ARR3: variants seen among roughly 807,000 people sequenced by gnomAD.
The protein encoded by ARR3 is arrestin-C.
Under a neutral mutation model 35.4 loss-of-function variants are expected in ARR3, and 14 were observed. That is an observed-to-expected ratio of 0.40 (90% CI 0.26 to 0.62). The LOEUF is 0.62. Among genes scored for constraint, ARR3 ranks in the 20% least tolerant of loss-of-function variants. ARR3 has a pLI of 0.46. For missense variants in ARR3, 259 were observed against 303.8 expected (o/e 0.85, Z 1.10); for synonymous variants, 97 against 119.1 (o/e 0.81, Z 1.21).
At chrX:70,269,605 C>T in intron 2 of ARR3, 57 bp from the exon 3 acceptor site, 1 of 1,163,142 alleles carries the variant, frequency 8.6e-7, no homozygotes, top group Non-Finnish European at 1.2e-6. Flanking sequence ...CCCTTATTTC[C>T]TCTTCCCTGC....
rs769714329 is a variant in ARR3, at chrX:70,276,443, A to T, written c.356A>T (p.Asn119Ile). 2 of 1,211,694 alleles carry T rather than the reference A, an allele frequency of 1.7e-6. No homozygotes were observed. Among genetic ancestry groups the T allele is most frequent in the Admixed American group, 4.3e-5 (2 of 46,090 alleles). ...AYPFTLQMVT[N>I]LPCSVTLQPG... is the part of the protein sequence containing the mutation. ...CTTTTTGTCCCCTAGATGGTGACCA[A>T]CCTGCCCTGTTCTGTGACACTGCAG... The change falls in exon 7 of 17, where the codon AAC becomes ATC. Residue 119 changes from asparagine (N) to isoleucine (I), a missense_variant. Transcript: ENST00000307959.
Position 70,278,063 on chromosome X carries a change from C to T in ARR3, c.695-3C>T, listed in dbSNP as rs750677656. 11 of 1,207,147 alleles carry T rather than the reference C, an allele frequency of 9.1e-6. No homozygotes were observed. The highest frequency in any genetic ancestry group is 2.3e-4 in the Middle Eastern group (1 of 4,370). ...AATCATGTGCTTTTCCTGGCTTGTT[C>T]AGTTGACCAGATCACAGATGTTGTC... On this transcript the variant is annotated splice_region_variant and splice_polypyrimidine_tract_variant and intron_variant, in intron 10 of 16. Transcript: ENST00000307959.
intron 15 of ARR3, 32 bp from the exon 16 acceptor site, chrX:70,281,067 A>G: frequency 3.3e-6 from 4 of 1,205,811 alleles, no homozygotes; most frequent in Non-Finnish European, 4.5e-6. Flanking sequence ...CTTCAGCTCC[A>G]TTTTTTCCCT....
At chrX:70,278,314 T>C (rs1057229532) in intron 11 of ARR3, among the ~76,000 whole-genome samples, 176 bp downstream of exon 11, 4 of 111,063 alleles carry the variant, frequency 3.6e-5, no homozygotes, top group African/African-American at 1.3e-4. Context: ...CCCATCACGA[T>C]GCTGAGCGAG....
chrX:70,281,077 TC>T, intron 15 of ARR3, 21 bp from the exon 16 acceptor site: 1 of 1,207,467 alleles, frequency 8.3e-7, no homozygotes, highest in African/African-American at 1.8e-5. Flanking sequence ...ATTTTTTCCC[TC>T]CGTCTCCATG....
At chrX:70,280,526 C>G in intron 13 of ARR3, 33 bp from the exon 14 acceptor site, 1 of 1,180,400 alleles carries the variant, frequency 8.5e-7, no homozygotes, top group Non-Finnish European at 1.1e-6. Flanking sequence ...CTCTATTTCC[C>G]GCTGCTAATT....
Position 70,280,818 on chromosome X carries a change from G to A in ARR3, c.1066G>A (p.Glu356Lys), listed in dbSNP as rs1393341922. ...LVLIHPKPSH[E>K]AASSEDIVIE... is the part of the protein sequence containing the mutation. ...CCTGATCCATCCGAAGCCATCTCAT[G>A]GTGAGTGACCAGGTGGAACTCACAG... Residue 356 changes from glutamate (E) to lysine (K), a missense_variant and splice_region_variant, in exon 15 of 17, where the codon GAG becomes AAG. Physicochemically the swap from Glu to Lys is moderately conservative, Grantham distance 56 (BLOSUM62 1). Coordinates refer to ENST00000307959, the MANE Select transcript of ARR3 (RefSeq NM_004312.3). 8.3e-7 allele frequency: 1 copy of A among 1,211,386 alleles called. No homozygotes were observed. The highest frequency in any genetic ancestry group is 1.1e-6 in the Non-Finnish European group (1 of 895,358).
rs755813894 is a variant in ARR3 at position 70,278,551 on chromosome X, C to T, written c.815C>T (p.Thr272Ile). The change falls in exon 12 of 17, where the codon ACC (threonine) becomes ATC (isoleucine). Residue 272 changes from threonine to isoleucine, a missense_variant. By Grantham distance (89) the Thr-to-Ile change is moderately conservative (BLOSUM62 -1). Transcript: ENST00000307959. ...NSSFSQSFAVTPILAASCQKR... is the reference protein window; with the variant it reads ...NSSFSQSFAVIPILAASCQKR... ...AGCTTCTCCCAGAGCTTTGCAGTAA[C>T]CCCAATCCTGGCTGCCAGCTGCCAG... The T allele has an allele frequency of 2.5e-6, 3 of 1,211,762 alleles. No individual in the cohort carries two copies. In the South Asian group the frequency reaches 5.3e-5, roughly 21 times the overall value.
Position 70,277,722 on chromosome X carries a change from T to C in ARR3, c.616T>C (p.Tyr206His), listed in dbSNP as rs763033609. The stretch of plus-strand genomic sequence containing the variant: ...GTCCCCGCTCCTGCTTTAGGTTCAC[T>C]ACCACGGAGAACCCATCTCTGTCAA... ...LQAWMDREVH[Y>H]HGEPISVNVS... The change falls in exon 10 of 17, where the codon TAC becomes CAC. Residue 206 changes from tyrosine to histidine, a missense_variant. Transcript: ENST00000307959. 1.7e-6 allele frequency: 2 copies of C among 1,209,477 alleles called. No individual in the cohort carries two copies. Among genetic ancestry groups the C allele is most frequent in the South Asian group, 1.8e-5 (1 of 56,686 alleles).
chrX:70,273,382 C>T (rs1049593641), intron 5 of ARR3, among the ~76,000 whole-genome samples: 1 of 109,695 alleles, frequency 9.1e-6, no homozygotes, highest in Non-Finnish European at 1.9e-5. Context: ...CCACCACGCC[C>T]GGTTAATTTT....
intron 12 of ARR3, among the ~76,000 whole-genome samples, 199 bp downstream of exon 12, chrX:70,278,840 G>C (rs994212730): frequency 1.8e-5 from 2 of 112,439 alleles, no homozygotes; most frequent in Non-Finnish European, 3.8e-5. Flanking sequence ...GGCAGGCTTA[G>C]GTCAGCGGCA....
intron 15 of ARR3, 85 bp from the exon 16 acceptor site, chrX:70,281,014 A>C: frequency 1.2e-6 from 1 of 854,398 alleles, no homozygotes; most frequent in Non-Finnish European, 1.6e-6. Flanking sequence ...GGGGGGGGGG[A>C]AGTAAAGATA....
At chrX:70,279,023 A>G (rs2085667099) in intron 12 of ARR3, among the ~76,000 whole-genome samples, 1 of 112,770 alleles carries the variant, frequency 8.9e-6, no homozygotes, top group African/African-American at 3.2e-5. Flanking sequence ...CAGAGAGAAG[A>G]AGGAACTCAC....
Position 70,278,564 on chromosome X carries a change from T to G in ARR3, c.828T>G (p.Ala276=), listed in dbSNP as rs781711749. Residue 276 remains alanine (A), a synonymous_variant, in exon 12 of 17, where the codon GCT becomes GCG. Transcript: ENST00000307959. ...GCTTTGCAGTAACCCCAATCCTGGC[T>G]GCCAGCTGCCAGAAACGGGGCCTGG... The part of the protein sequence containing the change: ...SQSFAVTPIL[A]ASCQKRGLAL... 1 of 1,210,123 alleles carries G rather than the reference T, an allele frequency of 8.3e-7. No homozygotes were observed. The highest frequency in any genetic ancestry group is 1.8e-5 in the South Asian group (1 of 56,795).
At chrX:70,278,788 C>A in intron 12 of ARR3, 147 bp downstream of exon 12, 1 of 788,414 alleles carries the variant, frequency 1.3e-6, no homozygotes, top group Non-Finnish European at 1.7e-6. Context: ...TCCTCCAGGC[C>A]TAAAGGCCTG....
At chrX:70,281,871 T>G, downstream of ARR3, 3 of 683,325 alleles carry the variant, frequency 4.4e-6, no homozygotes, top group Non-Finnish European at 6.5e-6. Flanking sequence ...TTCCTCTTCC[T>G]GGAGGGTCAC....
intron 5 of ARR3, among the ~76,000 whole-genome samples, chrX:70,274,413 C>G (rs749682236): frequency 8.1e-5 from 9 of 110,916 alleles, no homozygotes; most frequent in Non-Finnish European, 1.7e-4. Context: ...GTTGGCCAGG[C>G]TGGTCTCGAA....
At chrX:70,272,048 C>T (rs1388471625) in intron 5 of ARR3, among the ~76,000 whole-genome samples, 1 of 109,576 alleles carries the variant, frequency 9.1e-6, no homozygotes, top group South Asian at 4.0e-4. Context: ...ATCTGATTAA[C>T]GTCCTTACCT....
At chrX:70,276,368 C>T in intron 6 of ARR3, 65 bp from the exon 7 acceptor site, 1 of 1,190,654 alleles carries the variant, frequency 8.4e-7, no homozygotes, top group Non-Finnish European at 1.1e-6. Context: ...AGAGGGTTCC[C>T]CATTTCTTTT....
Sources: gnomAD v4.1 joint callset for allele counts (sites outside exome capture counted in the v4.1 genomes callset) on GRCh38, gnomAD v4.1.1 for gene constraint, MANE v1.5 for transcripts, NCBI Gene and HGNC (gene_info 2026-07-23, HGNC 2026-07-21) for gene names.